Variants in NCKAP5 observed in about 807,000 individuals in gnomAD.
NCKAP5 encodes nck-associated protein 5.
A neutral mutation model predicts 167.0 loss-of-function variants in NCKAP5; 92 were observed. That is an observed-to-expected ratio of 0.55 (90% CI 0.47 to 0.66). NCKAP5 has a LOEUF of 0.66. NCKAP5 is among the 30% of genes least tolerant of loss of function. The probability of loss-of-function intolerance (pLI) is 0.00; values close to 1 mark genes in which losing one functional copy is unlikely to be tolerated. For missense variants in NCKAP5, 2,378 were observed against 2,315.0 expected (o/e 1.03, Z -0.56); for synonymous variants, 891 against 877.4 (o/e 1.02, Z -0.27).
At chr2:132,890,045 C>G (rs1692567568) in intron 8 of NCKAP5, among the ~76,000 whole-genome samples, 1 of 152,128 alleles carries the variant, frequency 6.6e-6, no homozygotes, top group Non-Finnish European at 1.5e-5. Flanking sequence ...CTGGTCTTTT[C>G]CAGAGTGACA....
intron 16 of NCKAP5, among the ~76,000 whole-genome samples, chr2:132,738,401 A>T (rs1295753610): frequency 1.3e-5 from 2 of 152,164 alleles, no homozygotes; most frequent in Admixed American, 6.6e-5. Flanking sequence ...TCTGGCTCTC[A>T]TCCCAAGGAA....
chr2:132,872,885 G>A (rs949644469), intron 9 of NCKAP5, among the ~76,000 whole-genome samples: 6 of 152,130 alleles, frequency 3.9e-5, no homozygotes, highest in African/African-American at 4.8e-5. Flanking sequence ...ACTGACATGC[G>A]CAGGGGATGG....
Position 133,324,721 on chromosome 2 carries a change from TTTTTC to T in NCKAP5, c.70-21616_70-21612del, listed in dbSNP as rs1278688785. ...ACATACTGTATTCCAAGTGCTTTTT[TTTTTC>T]TTTTCTTTTTTGAGACGGAGCCTGG... On this transcript the variant is annotated intron_variant, in intron 3 of 19. Transcript: ENST00000409261. 3.3e-5 allele frequency among the ~76,000 whole-genome samples: 5 copies of T among 152,332 alleles called. No individual in the cohort carries two copies. The East Asian group carries it at 7.7e-4, about 24-fold the overall frequency.
chr2:133,113,123 C>T (rs2081968322), intron 6 of NCKAP5, among the ~76,000 whole-genome samples: 1 of 152,194 alleles, frequency 6.6e-6, no homozygotes, highest in African/African-American at 2.4e-5. Context: ...GTTATAGGGC[C>T]CAAGTGTTTG....
At chr2:132,953,863 C>T (rs2076267216) in intron 8 of NCKAP5, among the ~76,000 whole-genome samples, 1 of 152,154 alleles carries the variant, frequency 6.6e-6, no homozygotes, top group African/African-American at 2.4e-5. Flanking sequence ...GGGCCTACAA[C>T]TGAAGTCAAG....
intron 2 of NCKAP5, among the ~76,000 whole-genome samples, chr2:133,527,441 C>CTTTGAATGAAT (rs1685016023): frequency 6.6e-6 from 1 of 151,870 alleles, no homozygotes; most frequent in Non-Finnish European, 1.5e-5. Context: ...GCTTTTTTTT[C>CTTTGAATGAAT]CACTTTAAGA....
chr2:133,631,167 G>A, the NCKAP5 span, among the ~76,000 whole-genome samples: 2 of 152,136 alleles, frequency 1.3e-5, no homozygotes, highest in African/African-American at 2.4e-5. Flanking sequence ...AGAAACATAC[G>A]TAAAGTATGA....
At chr2:132,985,168 G>A (rs2077254208) in intron 7 of NCKAP5, among the ~76,000 whole-genome samples, 1 of 151,962 alleles carries the variant, frequency 6.6e-6, no homozygotes, top group African/African-American at 2.4e-5. Flanking sequence ...ACCATATTCT[G>A]CTTTTACTTG....
At chr2:133,257,774 A>G (rs149718684) in intron 4 of NCKAP5, among the ~76,000 whole-genome samples, 246 of 152,306 alleles carry the variant, frequency 1.6e-3, no homozygotes, top group African/African-American at 5.6e-3. Flanking sequence ...ACCCAACATT[A>G]TGTGCTAAAA....
At chr2:132,673,375 A>T (rs2104954959) in intron 19 of NCKAP5, 70 bp from the exon 20 acceptor site, 1 of 1,250,962 alleles carries the variant, frequency 8.0e-7, no homozygotes. Context: ...TCTAATATTC[A>T]ATTATTGTCT....
chr2:132,858,232 G>A (rs1689620004), intron 11 of NCKAP5, among the ~76,000 whole-genome samples: 1 of 152,140 alleles, frequency 6.6e-6, no homozygotes, highest in Admixed American at 6.5e-5. Flanking sequence ...TGGATTTGCT[G>A]CCCCCACCCA....
At chr2:133,272,843 A>C (rs750149902) in intron 4 of NCKAP5, among the ~76,000 whole-genome samples, 5 of 152,114 alleles carry the variant, frequency 3.3e-5, no homozygotes, top group Non-Finnish European at 7.4e-5. Context: ...CCCTTAGCAT[A>C]ATGTTTTCAA....
chr2:133,570,467 G>C (rs1688823675), upstream of NCKAP5, among the ~76,000 whole-genome samples: 1 of 152,168 alleles, frequency 6.6e-6, no homozygotes, highest in Admixed American at 6.5e-5. Context: ...GGATGCAATG[G>C]TATGTGGGAG....
chr2:132,855,791 C>G (rs750544493), intron 11 of NCKAP5, among the ~76,000 whole-genome samples: 1 of 152,118 alleles, frequency 6.6e-6, no homozygotes, highest in African/African-American at 2.4e-5. Context: ...TTCTTTTCAT[C>G]TTTTTGTCTC....
chr2:133,646,873 G>A, the NCKAP5 span, among the ~76,000 whole-genome samples: 1 of 152,020 alleles, frequency 6.6e-6, no homozygotes, highest in African/African-American at 2.4e-5. Flanking sequence ...CAGACTTTTT[G>A]TATGCAATTA....
At position 133,343,799 on chromosome 2, in the gene NCKAP5, G is replaced by A. The variant is rs117803532; in HGVS notation, c.70-40689C>T. On this transcript the variant is annotated intron_variant, in intron 3 of 19. Transcript: ENST00000409261. ...ATCTGAATTCACGTCGCCATAAGCAGTGGTATAAATGTTGAACAAGCTTGG... is the reference window on the plus strand; with the variant it reads ...ATCTGAATTCACGTCGCCATAAGCAATGGTATAAATGTTGAACAAGCTTGG... Among the ~76,000 whole-genome samples the A allele has an allele frequency of 1.7e-4, 26 of 152,316 alleles. No individual in the cohort carries two copies. In the East Asian group the frequency reaches 4.4e-3, roughly 26 times the overall value.
chr2:133,312,166 A>G (rs1681282603), intron 3 of NCKAP5, among the ~76,000 whole-genome samples: 2 of 152,218 alleles, frequency 1.3e-5, no homozygotes, highest in African/African-American at 4.8e-5. Context: ...AACCTCTGTC[A>G]TATATGGAAA....
At chr2:133,255,668 T>A (rs1191498351) in intron 4 of NCKAP5, among the ~76,000 whole-genome samples, 1 of 152,176 alleles carries the variant, frequency 6.6e-6, no homozygotes, top group Admixed American at 6.5e-5. Flanking sequence ...GCCCCTTGGG[T>A]GGGCAGTGGC....
intron 3 of NCKAP5, among the ~76,000 whole-genome samples, chr2:133,448,759 C>A (rs1281758222): frequency 6.6e-6 from 1 of 152,174 alleles, no homozygotes; most frequent in Non-Finnish European, 1.5e-5. Flanking sequence ...CCTACCTCAG[C>A]TTCCTGAGTA....
Sources: allele counts gnomAD v4.1 joint callset (sites outside exome capture counted in the v4.1 genomes callset), GRCh38; gene constraint gnomAD v4.1.1; transcripts MANE v1.5; gene names NCBI Gene and HGNC (gene_info 2026-07-23, HGNC 2026-07-21).